EDIL3: variants seen among roughly 807,000 people sequenced by gnomAD.
The protein encoded by EDIL3 is EGF like and discoidin domains 3, also known as EGF-like repeat and discoidin I-like domain-containing protein 3.
In EDIL3, 37 loss-of-function variants were observed where a neutral mutation model predicts 67.4. The observed-to-expected ratio is 0.55, with a 90% CI of 0.42 to 0.72. EDIL3 has a LOEUF of 0.72. Ranked by LOEUF, EDIL3 falls within the 30% of genes least tolerant of loss-of-function variation. The pLI, the probability that EDIL3 is intolerant of heterozygous loss-of-function variation, is 0.00. For missense variants in EDIL3, 527 were observed against 586.3 expected (o/e 0.90, Z 1.04); for synonymous variants, 195 against 196.3 (o/e 0.99, Z 0.05).
rs1248744634 is a variant in EDIL3, at chr5:84,254,092, A to G, written c.188T>C (p.Val63Ala). The G allele has an allele frequency of 6.3e-7, 1 of 1,598,104 alleles. No homozygotes were observed. Among genetic ancestry groups the G allele is most frequent in the Non-Finnish European group, 8.5e-7 (1 of 1,173,334 alleles). Residue 63 changes from valine to alanine, a missense_variant, in exon 2 of 11, where the codon GTG (valine) becomes GCG (alanine). Transcript: ENST00000296591. ...GFTDPNCSSV[V>A]EVASDEEEPT... ...TTAAATTTTGCACTTACCAACCTCC[A>G]CAACACTAGAACAGTTGGGGTCTGT...
At chr5:84,032,256 G>A (rs925817324) in intron 9 of EDIL3, among the ~76,000 whole-genome samples, 2 of 152,132 alleles carry the variant, frequency 1.3e-5, no homozygotes, top group Admixed American at 1.3e-4. Context: ...TAAAACATAT[G>A]TGGCATTTCC....
At position 84,055,174 on chromosome 5, in the gene EDIL3, T is replaced by A. The variant is rs1479215273; in HGVS notation, c.1137+5126A>T. ...ATAACACACATCTACAACTATCTGA[T>A]CTTTGACAAACCTGGCAAAAACAAG... On this transcript the variant is annotated intron_variant, in intron 9 of 10. Transcript: ENST00000296591. 3.4e-5 allele frequency among the ~76,000 whole-genome samples: 5 copies of A among 146,222 alleles called. 1 individual carries two copies. The highest frequency in any genetic ancestry group is 1.3e-4 in the African/African-American group (5 of 37,076).
chr5:84,319,494 C>CAAAAAAAAAAAAAA (rs55738450), intron 1 of EDIL3, among the ~76,000 whole-genome samples: 43 of 42,816 alleles, frequency 1.0e-3, no homozygotes, highest in African/African-American at 1.8e-3. Context: ...CAAAAAACAA[C>CAAAAAAAAAAAAAA]AAAAAAAAAA....
At chr5:84,295,884 G>C (rs1746042923) in intron 1 of EDIL3, among the ~76,000 whole-genome samples, 1 of 152,054 alleles carries the variant, frequency 6.6e-6, no homozygotes, top group African/African-American at 2.4e-5. Context: ...CAATCATATA[G>C]GAAGGAAATT....
At chr5:84,294,155 G>A (rs2124938) in intron 1 of EDIL3, among the ~76,000 whole-genome samples, 40,574 of 150,422 alleles carry the variant, frequency 0.27, 6,275 homozygotes, top group Non-Finnish European at 0.35. Context: ...AGGCCGAGAC[G>A]GGTGGATCAC....
At chr5:83,945,691 T>A (rs974413277) in intron 10 of EDIL3, among the ~76,000 whole-genome samples, 1 of 151,894 alleles carries the variant, frequency 6.6e-6, no homozygotes, top group African/African-American at 2.4e-5. Context: ...AGAAACTATA[T>A]CAGCTCTGGA....
intron 2 of EDIL3, among the ~76,000 whole-genome samples, chr5:84,230,351 G>C (rs1261477366): frequency 6.6e-6 from 1 of 151,626 alleles, no homozygotes; most frequent in Non-Finnish European, 1.5e-5. Context: ...CCATGAGATA[G>C]AAGTTATAAG....
At chr5:84,309,309 C>CTTTTTTTTT (rs1746333742) in intron 1 of EDIL3, among the ~76,000 whole-genome samples, 1 of 100,794 alleles carries the variant, frequency 9.9e-6, no homozygotes, top group Non-Finnish European at 2.2e-5. Context: ...CTTTTTTTTT[C>CTTTTTTTTT]TTTGTTTTTT....
intron 4 of EDIL3, among the ~76,000 whole-genome samples, chr5:84,139,599 G>GTAT (rs1226460176): frequency 6.6e-6 from 1 of 152,060 alleles, no homozygotes; most frequent in East Asian, 1.9e-4. Flanking sequence ...GTCTTAACCT[G>GTAT]TATCCTCTCT....
intron 2 of EDIL3, among the ~76,000 whole-genome samples, chr5:84,248,031 T>A (rs1294381031): frequency 6.6e-6 from 1 of 152,162 alleles, no homozygotes. Context: ...ACAAAGACCA[T>A]TTTTTAACTG....
intron 9 of EDIL3, among the ~76,000 whole-genome samples, chr5:83,991,428 A>G (rs1745149038): frequency 6.6e-6 from 1 of 152,148 alleles, no homozygotes; most frequent in Non-Finnish European, 1.5e-5. Flanking sequence ...TCGATTCACC[A>G]TCTACTTCCA....
At chr5:83,961,651 C>A (rs1212452972) in intron 10 of EDIL3, among the ~76,000 whole-genome samples, 1 of 150,854 alleles carries the variant, frequency 6.6e-6, no homozygotes, top group Non-Finnish European at 1.5e-5. Flanking sequence ...TAATTTCAAG[C>A]CTGTATAACT....
chr5:84,025,403 T>C (rs1745793486), intron 9 of EDIL3, among the ~76,000 whole-genome samples: 1 of 152,068 alleles, frequency 6.6e-6, no homozygotes, highest in Non-Finnish European at 1.5e-5. Flanking sequence ...TGTCACTATC[T>C]CCCATCACCC....
intron 1 of EDIL3, among the ~76,000 whole-genome samples, chr5:84,274,640 G>A (rs1745538001): frequency 6.6e-6 from 1 of 151,960 alleles, no homozygotes; most frequent in Non-Finnish European, 1.5e-5. Context: ...TTTAATGTTA[G>A]TTTTTACTTA....
At chr5:84,075,968 TAA>T (rs931165113) in intron 6 of EDIL3, among the ~76,000 whole-genome samples, 11 of 126,654 alleles carry the variant, frequency 8.7e-5, no homozygotes, top group African/African-American at 2.9e-4. Flanking sequence ...TATATATATA[TAA>T]ATATTTATCA....
At chr5:84,025,373 A>G (rs1745793079) in intron 9 of EDIL3, among the ~76,000 whole-genome samples, 1 of 152,140 alleles carries the variant, frequency 6.6e-6, no homozygotes, top group South Asian at 2.1e-4. Flanking sequence ...ACCTCCTGTC[A>G]GATCAGCAGA....
chr5:84,282,805 A>T (rs1171398131), intron 1 of EDIL3, among the ~76,000 whole-genome samples: 1 of 152,108 alleles, frequency 6.6e-6, no homozygotes, highest in Non-Finnish European at 1.5e-5. Flanking sequence ...TTTAGCTTGC[A>T]TTTCTCTGAT....
At chr5:84,221,106 C>G (rs1361680750) in intron 3 of EDIL3, among the ~76,000 whole-genome samples, 1 of 152,034 alleles carries the variant, frequency 6.6e-6, no homozygotes, top group Non-Finnish European at 1.5e-5. Context: ...ACTAAGGAAT[C>G]AGGTCACAAT....
intron 4 of EDIL3, among the ~76,000 whole-genome samples, chr5:84,151,295 A>ACACC (rs1480948726): frequency 6.0e-5 from 9 of 150,542 alleles, no homozygotes; most frequent in African/African-American, 2.2e-4. Flanking sequence ...ACACACACAC[A>ACACC]CCCCGACACT....
Sources: allele counts gnomAD v4.1 joint callset (sites outside exome capture counted in the v4.1 genomes callset), GRCh38; gene constraint gnomAD v4.1.1; transcripts MANE v1.5; gene names NCBI Gene and HGNC (gene_info 2026-07-23, HGNC 2026-07-21).